HEATR5A: variants seen among roughly 807,000 people sequenced by gnomAD.
HEATR5A encodes HEAT repeat-containing protein 5A.
A neutral mutation model predicts 218.8 loss-of-function variants in HEATR5A; 178 were observed. The ratio of observed to expected loss-of-function variants is 0.81; its 90% CI spans 0.72 to 0.92. The LOEUF (loss-of-function observed/expected upper bound fraction) is 0.92. Among genes scored for constraint, HEATR5A ranks in the 40% least tolerant of loss-of-function variants. The pLI is 0.00. For synonymous variants in HEATR5A, 864 were observed against 871.6 expected, an observed-to-expected ratio of 0.99 and a Z score of 0.15; for missense variants, 2,420 against 2,418.9, an observed-to-expected ratio of 1.00 and a Z score of -0.01.
chr14:31,308,903 G>A, intron 29 of HEATR5A, 31 bp downstream of exon 29: 1 of 1,582,996 alleles, frequency 6.3e-7, no homozygotes, highest in Non-Finnish European at 8.6e-7. Flanking sequence ...AACCCCTAAG[G>A]TTGTAAACTT....
intron 12 of HEATR5A, among the ~76,000 whole-genome samples, chr14:31,374,301 CAAAA>C (rs34427206): frequency 1.2e-4 from 11 of 92,076 alleles, no homozygotes; most frequent in Admixed American, 2.3e-4. Context: ...GACCCTATCT[CAAAA>C]AAAAAAAAAA....
intron 25 of HEATR5A, chr14:31,320,637 T>C (rs1242945797): frequency 3.0e-6 from 2 of 666,482 alleles, no homozygotes; most frequent in Non-Finnish European, 5.5e-6. Flanking sequence ...GTCTGCATTT[T>C]TTCAGTCTCC....
In HEATR5A at chr14:31,413,653, C is replaced by T. The variant is rs539501708; in HGVS notation, c.-75+6819G>A. 1.9e-3 allele frequency among the ~76,000 whole-genome samples: 289 copies of T among 152,174 alleles called. 1 individual carries two copies. The highest frequency in any genetic ancestry group is 5.9e-3 in the African/African-American group (247 of 41,516). ...AAAATGATTATTTTTTGAGGATCTA[C>T]GTACTAAAACCTTTTAATTCACTAT... On this transcript the variant is annotated intron_variant, in intron 1 of 35. Transcript: ENST00000543095.
At chr14:31,398,624 C>T in intron 4 of HEATR5A, 49 bp downstream of exon 4, 2 of 992,910 alleles carry the variant, frequency 2.0e-6, no homozygotes, top group African/African-American at 1.6e-5. Flanking sequence ...AAGCATAAAC[C>T]AATAAAATGC....
At position 31,303,751 on chromosome 14, in the gene HEATR5A, A is replaced by G. The variant is rs143101190; in HGVS notation, c.5239+1154T>C. Among the ~76,000 whole-genome samples the G allele has an allele frequency of 5.9e-3, 891 of 152,294 alleles. 6 individuals are homozygous for G. The highest frequency in any genetic ancestry group is 0.02 in the African/African-American group (851 of 41,554). ...GCCTGCAGTTGAACCATGAAGAAAA[A>G]TTTTAAAAAGCAGATAAGGGTCATT... On this transcript the variant is annotated intron_variant, in intron 32 of 35. Transcript: ENST00000543095.
At chr14:31,334,037 C>CAAAAAA (rs58087742) in intron 22 of HEATR5A, among the ~76,000 whole-genome samples, 23 of 87,842 alleles carry the variant, frequency 2.6e-4, no homozygotes, top group Non-Finnish European at 4.0e-4. Flanking sequence ...GACCCTGTCT[C>CAAAAAA]AAAAAAAAAA....
rs370788806 is a variant in HEATR5A at position 31,312,541 on chromosome 14, T to C, written c.4441+427A>G. 7.9e-5 allele frequency among the ~76,000 whole-genome samples: 12 copies of C among 151,794 alleles called. No homozygotes were observed. In the East Asian group the frequency reaches 2.1e-3, roughly 27 times the overall value. On this transcript the variant is annotated intron_variant, in intron 28 of 35. Coordinates refer to ENST00000543095, the MANE Select transcript of HEATR5A (RefSeq NM_015473.4). ...AATCCTCCTGCCTCAGCCTCCCGAGTTGCAGGGATTACAGGCACTCACCAC... is the reference window on the plus strand; with the variant it reads ...AATCCTCCTGCCTCAGCCTCCCGAGCTGCAGGGATTACAGGCACTCACCAC...
intron 12 of HEATR5A, among the ~76,000 whole-genome samples, chr14:31,373,834 A>G (rs1298860174): frequency 2.0e-5 from 3 of 152,062 alleles, no homozygotes; most frequent in African/African-American, 7.2e-5. Flanking sequence ...TGAGAGAAGT[A>G]GATCAACCCC....
At chr14:31,319,239 A>G (rs1045865640) in intron 25 of HEATR5A, among the ~76,000 whole-genome samples, 5 of 151,494 alleles carry the variant, frequency 3.3e-5, no homozygotes, top group East Asian at 1.9e-4. Context: ...TGCAACCTCC[A>G]CCTTCTGGGT....
intron 22 of HEATR5A, among the ~76,000 whole-genome samples, chr14:31,336,453 T>C (rs935075023): frequency 6.6e-6 from 1 of 151,626 alleles, no homozygotes; most frequent in Admixed American, 6.6e-5. Context: ...CCTCACAAAG[T>C]GCTTAAGATT....
intron 21 of HEATR5A, among the ~76,000 whole-genome samples, chr14:31,342,705 C>T (rs998797697): frequency 1.3e-5 from 2 of 152,166 alleles, no homozygotes; most frequent in Non-Finnish European, 2.9e-5. Flanking sequence ...AGGAGGAGTC[C>T]AGAAACCCAC....
At chr14:31,377,443 CT>C (rs776248750) in intron 11 of HEATR5A, among the ~76,000 whole-genome samples, 2 of 152,110 alleles carry the variant, frequency 1.3e-5, no homozygotes, top group African/African-American at 2.4e-5. Context: ...CTGGTCCCCC[CT>C]GAAAGTTGCT....
At chr14:31,358,342 G>T (rs987941333) in intron 16 of HEATR5A, among the ~76,000 whole-genome samples, 1 of 152,082 alleles carries the variant, frequency 6.6e-6, no homozygotes, top group Admixed American at 6.5e-5. Context: ...AACCTAGTAT[G>T]TGTCTTTGTA....
intron 33 of HEATR5A, among the ~76,000 whole-genome samples, chr14:31,300,312 G>C (rs1899328523): frequency 6.7e-6 from 1 of 150,078 alleles, no homozygotes; most frequent in Non-Finnish European, 1.5e-5. Context: ...TTTTGAGACA[G>C]TCTCGCTCTG....
At chr14:31,364,941 C>A (rs1901748838) in intron 13 of HEATR5A, among the ~76,000 whole-genome samples, 1 of 152,156 alleles carries the variant, frequency 6.6e-6, no homozygotes, top group Non-Finnish European at 1.5e-5. Flanking sequence ...GTGGTATGAT[C>A]TCGGCTCACT....
chr14:31,306,960 G>C lies in HEATR5A; in HGVS notation c.4819-81C>G, dbSNP rs557070264. 9 of 1,162,344 alleles carry C rather than the reference G, an allele frequency of 7.7e-6. No homozygotes were observed. The East Asian group carries it at 2.3e-4, about 29-fold the overall frequency. 72.0% of individuals were successfully genotyped at this position (1,162,344 alleles called of 1,614,324 possible). A position where few individuals can be genotyped will look rare whatever the true frequency, so the allele number is the denominator to read the frequency against. ...AAAAAATACCAATGCTAAATGCCAT[G>C]ACAAAATTCAGAAAAACAGAATGTA... is the stretch of plus-strand genomic sequence containing the variant. On this transcript the variant is annotated intron_variant, in intron 30 of 35. Coordinates refer to ENST00000543095, the MANE Select transcript of HEATR5A (RefSeq NM_015473.4).
chr14:31,337,786 T>C (rs1900715859), intron 21 of HEATR5A, among the ~76,000 whole-genome samples, 172 bp from the exon 22 acceptor site: 1 of 152,190 alleles, frequency 6.6e-6, no homozygotes, highest in Non-Finnish European at 1.5e-5. Context: ...TATTTCTGAT[T>C]CTGTAACTTA....
intron 32 of HEATR5A, among the ~76,000 whole-genome samples, chr14:31,304,637 G>A (rs1335571551): frequency 1.3e-5 from 2 of 152,094 alleles, no homozygotes; most frequent in African/African-American, 2.4e-5. Context: ...GGCTGGTCTC[G>A]AACTCCTGAC....
At chr14:31,328,369 A>C (rs1900342984) in intron 22 of HEATR5A, among the ~76,000 whole-genome samples, 1 of 152,152 alleles carries the variant, frequency 6.6e-6, no homozygotes, top group Non-Finnish European at 1.5e-5. Flanking sequence ...TATAATAGCT[A>C]AGGTAATGTG....
Sources: allele counts gnomAD v4.1 joint callset (sites outside exome capture counted in the v4.1 genomes callset), GRCh38; gene constraint gnomAD v4.1.1; transcripts MANE v1.5; gene names NCBI Gene and HGNC (gene_info 2026-07-23, HGNC 2026-07-21).